Variants in ZBTB20 observed in about 807,000 individuals in gnomAD.
ZBTB20 encodes zinc finger and BTB domain-containing protein 20.
A neutral mutation model predicts 56.9 loss-of-function variants in ZBTB20; 9 were observed. The observed-to-expected ratio is 0.16, with a 90% CI of 0.10 to 0.28. The LOEUF is 0.28. Among genes scored for constraint, ZBTB20 ranks in the 10% least tolerant of loss-of-function variants. The pLI is 1.00. For missense variants in ZBTB20, 655 were observed against 1,003.0 expected (o/e 0.65, Z 4.69); for synonymous variants, 417 against 420.7 (o/e 0.99, Z 0.11).
At position 114,740,448 on chromosome 3, in the gene ZBTB20, G is replaced by A. The variant is rs77433961; in HGVS notation, c.-342-46873C>T. Among the ~76,000 whole-genome samples the A allele has an allele frequency of 5.3e-3, 810 of 152,260 alleles. 6 individuals are homozygous for A. Among genetic ancestry groups the A allele is most frequent in the African/African-American group, 0.017 (687 of 41,564 alleles). ...CATGCATCAAAATGTCCATAATTAA[G>A]TTTTTAGGGAAAAATAACAATATAT... On this transcript the variant is annotated intron_variant, in intron 5 of 11. Coordinates refer to ENST00000675478, the MANE Select transcript of ZBTB20 (RefSeq NM_001348800.3).
intron 7 of ZBTB20, among the ~76,000 whole-genome samples, chr3:114,403,264 T>C (rs981541061): frequency 2.0e-5 from 3 of 152,176 alleles, no homozygotes; most frequent in Non-Finnish European, 4.4e-5. Flanking sequence ...TATGCCAGAC[T>C]CTCACCATGT....
intron 2 of ZBTB20, among the ~76,000 whole-genome samples, chr3:114,980,031 G>A (rs1182605218): frequency 6.6e-6 from 1 of 151,882 alleles, no homozygotes; most frequent in Non-Finnish European, 1.5e-5. Flanking sequence ...TTTCAGGTTC[G>A]CTTCTAAATA....
chr3:114,613,089 G>A (rs1157750951), intron 6 of ZBTB20, among the ~76,000 whole-genome samples: 1 of 152,158 alleles, frequency 6.6e-6, no homozygotes, highest in Non-Finnish European at 1.5e-5. Flanking sequence ...GAAAGCATTG[G>A]CAAAGGCATA....
At chr3:114,819,484 G>A (rs2073122846) in intron 4 of ZBTB20, among the ~76,000 whole-genome samples, 1 of 151,826 alleles carries the variant, frequency 6.6e-6, no homozygotes, top group African/African-American at 2.4e-5. Flanking sequence ...ACCGGTGAAA[G>A]AACTGAAAAA....
At chr3:114,695,239 C>G (rs1326501372) in intron 5 of ZBTB20, among the ~76,000 whole-genome samples, 1 of 151,930 alleles carries the variant, frequency 6.6e-6, no homozygotes, top group Non-Finnish European at 1.5e-5. Flanking sequence ...TAAAATTCTC[C>G]CTAGCTTCTT....
At chr3:114,823,685 G>T (rs1284715172) in intron 4 of ZBTB20, among the ~76,000 whole-genome samples, 1 of 152,024 alleles carries the variant, frequency 6.6e-6, no homozygotes, top group Non-Finnish European at 1.5e-5. Context: ...CAGTGCAGTT[G>T]TTGTACTATA....
At chr3:115,104,656 A>G (rs540617157) in intron 1 of ZBTB20, among the ~76,000 whole-genome samples, 1 of 152,322 alleles carries the variant, frequency 6.6e-6, no homozygotes, top group East Asian at 1.9e-4. Context: ...TGACATTCTG[A>G]AAAGGCAAAA....
At chr3:114,736,869 T>C (rs1304883538) in intron 5 of ZBTB20, among the ~76,000 whole-genome samples, 2 of 152,116 alleles carry the variant, frequency 1.3e-5, no homozygotes, top group Non-Finnish European at 2.9e-5. Context: ...CACTTCTGGA[T>C]GAAAATTTGG....
intron 6 of ZBTB20, among the ~76,000 whole-genome samples, chr3:114,552,880 G>A (rs1466262977): frequency 6.6e-6 from 1 of 152,104 alleles, no homozygotes; most frequent in Non-Finnish European, 1.5e-5. Context: ...CTGTTACTTC[G>A]TGTTACATTT....
At chr3:114,678,744 G>A (rs1280217656) in intron 6 of ZBTB20, among the ~76,000 whole-genome samples, 1 of 152,074 alleles carries the variant, frequency 6.6e-6, no homozygotes, top group Admixed American at 6.6e-5. Context: ...TATCCAGAAA[G>A]CACGAGCATA....
chr3:114,369,419 G>A (rs2082759241), intron 10 of ZBTB20, among the ~76,000 whole-genome samples: 1 of 152,166 alleles, frequency 6.6e-6, no homozygotes, highest in Admixed American at 6.5e-5. Context: ...ATTTGGCCTT[G>A]TGAAATTATA....
chr3:114,766,865 C>T (rs1342867052), intron 5 of ZBTB20, among the ~76,000 whole-genome samples: 1 of 152,032 alleles, frequency 6.6e-6, no homozygotes, highest in East Asian at 1.9e-4. Context: ...ATAACATAAT[C>T]ACCTTTTTCT....
At chr3:114,467,413 A>T (rs572913243) in intron 7 of ZBTB20, among the ~76,000 whole-genome samples, 9 of 152,294 alleles carry the variant, frequency 5.9e-5, no homozygotes, top group Non-Finnish European at 1.3e-4. Flanking sequence ...TGAACAGGAG[A>T]ACCATAAAAA....
intron 3 of ZBTB20, among the ~76,000 whole-genome samples, chr3:114,923,171 A>C (rs1267179738): frequency 6.6e-6 from 1 of 152,240 alleles, no homozygotes; most frequent in African/African-American, 2.4e-5. Context: ...TTTCAGATTC[A>C]ATGCAATCTA....
rs2078917940 is a variant in ZBTB20 at position 114,322,178 on chromosome 3, G to T, written c.*16827C>A. On this transcript the variant is annotated 3_prime_UTR_variant, in exon 12 of 12. Coordinates refer to ENST00000675478, the MANE Select transcript of ZBTB20 (RefSeq NM_001348800.3). ...ATGTTTCACCAGTGACCTTTGTTTG[G>T]TTCTAAATGATTTAGCTCACTCTCT... The T allele has an allele frequency of 6.6e-6, 1 of 152,226 alleles. No individual in the cohort carries two copies. The highest frequency in any genetic ancestry group is 2.1e-4 in the South Asian group (1 of 4,826). 9.4% of individuals were successfully genotyped at this position (152,226 alleles called of 1,614,324 possible).
At chr3:114,923,794 A>G (rs116316408) in intron 3 of ZBTB20, among the ~76,000 whole-genome samples, 3,227 of 152,274 alleles carry the variant, frequency 0.021, 114 homozygotes, top group African/African-American at 0.074. Context: ...GAATGGGAGA[A>G]AACATTTGCA....
chr3:114,391,988 C>T (rs560510271), intron 7 of ZBTB20, among the ~76,000 whole-genome samples: 7 of 152,246 alleles, frequency 4.6e-5, no homozygotes, highest in African/African-American at 1.7e-4. Flanking sequence ...CAAAATATAA[C>T]AAATTTGCTT....
intron 5 of ZBTB20, among the ~76,000 whole-genome samples, chr3:114,718,124 T>A (rs78349586): frequency 6.6e-6 from 1 of 152,158 alleles, no homozygotes; most frequent in Non-Finnish European, 1.5e-5. Flanking sequence ...GAAGCTTTTT[T>A]ATTCCACATA....
rs183165601 is a variant in ZBTB20 at position 114,354,164 on chromosome 3, T to A, written c.200-2286A>T. ...AACTTAAAGGACTTATTTTTTTAGA[T>A]GTCACAGTGCAAGAAGTAAGACAAC... On this transcript the variant is annotated intron_variant, in intron 10 of 11. Transcript: ENST00000675478. Among the ~76,000 whole-genome samples the A allele has an allele frequency of 2.0e-5, 3 of 152,348 alleles. No homozygotes were observed. In the East Asian group the frequency reaches 5.8e-4, roughly 29 times the overall value.
Sources: gnomAD v4.1 joint callset for allele counts (sites outside exome capture counted in the v4.1 genomes callset) on GRCh38, gnomAD v4.1.1 for gene constraint, MANE v1.5 for transcripts, NCBI Gene and HGNC (gene_info 2026-07-23, HGNC 2026-07-21) for gene names.